The following KIAA0513 variants were observed in gnomAD, a reference collection of about 807,000 sequenced individuals.
KIAA0513 encodes the protein uncharacterized protein KIAA0513.
In KIAA0513, 39 loss-of-function variants were observed where a neutral mutation model predicts 56.5. That is an observed-to-expected ratio of 0.69 (90% CI 0.53 to 0.90). The LOEUF (loss-of-function observed/expected upper bound fraction) is 0.90. Ranked by LOEUF, KIAA0513 falls within the 40% of genes least tolerant of loss-of-function variation. KIAA0513 has a pLI of 0.00. For synonymous variants in KIAA0513, 268 were observed against 215.6 expected, an observed-to-expected ratio of 1.24 and a Z score of -2.13; for missense variants, 591 against 535.2, an observed-to-expected ratio of 1.10 and a Z score of -1.03.
rs760142095 is a variant in KIAA0513 at position 85,078,382 on chromosome 16, G to A, written c.783-33G>A. ...GAGTTGAGAAAGTGTGGTGTGAGTC[G>A]CGTGTGTCATCATTGTGCCTTCTCT... On this transcript the variant is annotated intron_variant, in intron 6 of 12. Coordinates refer to ENST00000683363, the MANE Select transcript of KIAA0513 (RefSeq NM_001388359.1). The A allele has an allele frequency of 2.9e-5, 46 of 1,613,116 alleles. No homozygotes were observed. The South Asian group carries it at 3.0e-4, about 10-fold the overall frequency.
rs190493294 is a variant in KIAA0513 at position 85,058,479 on chromosome 16, C to T, written c.-172-8421C>T. 3.9e-5 allele frequency among the ~76,000 whole-genome samples: 6 copies of T among 152,166 alleles called. No individual in the cohort carries two copies. In the East Asian group the frequency reaches 9.6e-4, roughly 24 times the overall value. On this transcript the variant is annotated intron_variant, in intron 1 of 12. Transcript: ENST00000683363. ...ACTAGCCTGATCAACGTGGTGAAACCCCATCTGTACTAAAAGTACAAAATT... is the reference window on the plus strand; with the variant it reads ...ACTAGCCTGATCAACGTGGTGAAACTCCATCTGTACTAAAAGTACAAAATT...
Position 85,067,028 on chromosome 16 carries a change from G to A in KIAA0513, c.-44G>A, listed in dbSNP as rs1294343505. On this transcript the variant is annotated 5_prime_UTR_variant, in exon 2 of 13. Coordinates refer to ENST00000683363, the MANE Select transcript of KIAA0513 (RefSeq NM_001388359.1). ...ACCAGGCTGCTGGGCTCCCCTCTAG[G>A]CAGCCTCCCCTCCAGGCAGCCTCAC... 1 of 1,495,860 alleles carries A rather than the reference G, an allele frequency of 6.7e-7. No individual in the cohort carries two copies. Among genetic ancestry groups the A allele is most frequent in the Non-Finnish European group, 8.9e-7 (1 of 1,122,350 alleles). The allele number at this position is 1,495,860 out of a possible 1,614,324, so 92.7% of individuals were successfully genotyped here.
At position 85,078,453 on chromosome 16, in the gene KIAA0513, C is replaced by T. The variant is rs369177572; in HGVS notation, c.821C>T (p.Ala274Val). ...ENKPQEKRPR[A>V]VTAYSPEDEK... is the part of the protein sequence containing the mutation. ...AAACCCCAGGAGAAGCGGCCCAGGG[C>T]TGGTGAGTCTGCCCAGGCAGCAGCA... Residue 274 changes from alanine to valine, a missense_variant and splice_region_variant, in exon 7 of 13, where the codon GCT becomes GTT. Transcript: ENST00000683363. The T allele has an allele frequency of 3.1e-6, 5 of 1,613,606 alleles. No individual in the cohort carries two copies. Among genetic ancestry groups the T allele is most frequent in the South Asian group, 1.1e-5 (1 of 91,072 alleles).
At chr16:85,067,798 CTTTTCTTTTTTTCTTTTT>C (rs1240893664) in intron 2 of KIAA0513, among the ~76,000 whole-genome samples, 1 of 152,038 alleles carries the variant, frequency 6.6e-6, no homozygotes, top group African/African-American at 2.4e-5. Context: ...TGTTTATTTT[CTTTTCTTTTTTTCTTTTT>C]TTTTCTTTTT....
chr16:85,030,202 G>C (rs777311218), intron 1 of KIAA0513, among the ~76,000 whole-genome samples: 1 of 152,166 alleles, frequency 6.6e-6, no homozygotes, highest in Non-Finnish European at 1.5e-5. Flanking sequence ...AATCCAGTAG[G>C]AAGTATGATT....
In KIAA0513 at chr16:85,087,175, G is replaced by T. The variant is rs752391216; in HGVS notation, c.1186+9G>T. The T allele has an allele frequency of 1.9e-6, 3 of 1,611,076 alleles. No homozygotes were observed. The highest frequency in any genetic ancestry group is 2.5e-6 in the Non-Finnish European group (3 of 1,177,240). ...TGGCAACCTGGATGAAGGTGCGTCT[G>T]GGGGAGGCTGCTGGCAGGAGGCGGG... On this transcript the variant is annotated intron_variant, in intron 12 of 12. Coordinates refer to ENST00000683363, the MANE Select transcript of KIAA0513 (RefSeq NM_001388359.1).
intron 2 of KIAA0513, among the ~76,000 whole-genome samples, chr16:85,067,843 G>A (rs1409323196): frequency 6.6e-6 from 1 of 151,650 alleles, no homozygotes; most frequent in Non-Finnish European, 1.5e-5. Flanking sequence ...CAGAGTCTGG[G>A]TCTGTCACCC....
chr16:85,059,431 G>A (rs2073373246), intron 1 of KIAA0513, among the ~76,000 whole-genome samples: 1 of 152,212 alleles, frequency 6.6e-6, no homozygotes, highest in Non-Finnish European at 1.5e-5. Context: ...GGTTCCCCCT[G>A]AGCCAGGCTG....
chr16:85,059,350 T>A (rs889535278), intron 1 of KIAA0513, among the ~76,000 whole-genome samples: 49 of 152,352 alleles, frequency 3.2e-4, no homozygotes, highest in African/African-American at 1.1e-3. Context: ...TGGTGCCAGT[T>A]TGGGAACCAC....
intron 1 of KIAA0513, among the ~76,000 whole-genome samples, chr16:85,056,824 C>G (rs148316785): frequency 6.6e-6 from 1 of 152,196 alleles, no homozygotes; most frequent in Non-Finnish European, 1.5e-5. Flanking sequence ...CTCAGCCTCC[C>G]AGACAGCTGG....
chr16:85,048,259 C>T (rs980180818), intron 1 of KIAA0513, among the ~76,000 whole-genome samples: 1 of 152,170 alleles, frequency 6.6e-6, no homozygotes, highest in Non-Finnish European at 1.5e-5. Context: ...GCACCCACCC[C>T]GCCTTCCAGG....
chr16:85,042,268 A>G (rs2073113268), intron 1 of KIAA0513, among the ~76,000 whole-genome samples: 1 of 152,188 alleles, frequency 6.6e-6, no homozygotes, highest in Admixed American at 6.5e-5. Flanking sequence ...AATGCTTTGG[A>G]TGGGATATCA....
intron 1 of KIAA0513, among the ~76,000 whole-genome samples, chr16:85,057,859 T>C (rs1454771561): frequency 1.3e-5 from 2 of 152,002 alleles, no homozygotes; most frequent in African/African-American, 4.8e-5. Context: ...TAGGTCATTC[T>C]GTGTGGGACC....
At chr16:85,034,307 G>T (rs186036895) in intron 1 of KIAA0513, among the ~76,000 whole-genome samples, 5 of 152,120 alleles carry the variant, frequency 3.3e-5, no homozygotes, top group South Asian at 4.1e-4. Context: ...TTGAACCTGG[G>T]GGGTGGAGGC....
At chr16:85,063,833 G>A (rs935369895) in intron 1 of KIAA0513, among the ~76,000 whole-genome samples, 1 of 151,650 alleles carries the variant, frequency 6.6e-6, no homozygotes, top group Non-Finnish European at 1.5e-5. Flanking sequence ...TTCAGTATTC[G>A]CAGGCCTCTG....
rs757931586 is a variant in KIAA0513, at chr16:85,082,549, C to G, written c.981-15C>G. 1.2e-6 allele frequency: 2 copies of G among 1,613,954 alleles called. No individual in the cohort carries two copies. The highest frequency in any genetic ancestry group is 1.1e-5 in the South Asian group (1 of 91,074). On this transcript the variant is annotated splice_polypyrimidine_tract_variant and intron_variant, in intron 9 of 12. Coordinates refer to ENST00000683363, the MANE Select transcript of KIAA0513 (RefSeq NM_001388359.1). ...GACATGTTCCTTTGTTTACCTGTTTCTGCTGCCGCTCCAGAGGGGATGCTG... is the reference window on the plus strand; with the variant it reads ...GACATGTTCCTTTGTTTACCTGTTTGTGCTGCCGCTCCAGAGGGGATGCTG...
At chr16:85,034,495 G>A (rs1055769072) in intron 1 of KIAA0513, among the ~76,000 whole-genome samples, 1 of 152,212 alleles carries the variant, frequency 6.6e-6, no homozygotes, top group South Asian at 2.1e-4. Context: ...TGGGGCAAGA[G>A]TGTGGGGAAA....
chr16:85,038,228 C>T lies in KIAA0513; in HGVS notation c.-173+10370C>T, dbSNP rs184307721. 2.9e-4 allele frequency among the ~76,000 whole-genome samples: 44 copies of T among 152,318 alleles called. No individual in the cohort carries two copies. The East Asian group carries it at 7.1e-3, about 25-fold the overall frequency. On this transcript the variant is annotated intron_variant, in intron 1 of 12. Coordinates refer to ENST00000683363, the MANE Select transcript of KIAA0513 (RefSeq NM_001388359.1). ...GAAGAGCATTGACTTTGCCTCTTCC[C>T]TGGGCTGGGCCCCACGGCCTCTGGA...
chr16:85,071,683 A>C, intron 2 of KIAA0513, 100 bp from the exon 3 acceptor site: 2 of 964,358 alleles, frequency 2.1e-6, no homozygotes, highest in Non-Finnish European at 3.1e-6. Context: ...TTGGCTGGGG[A>C]ATATTTCGTT....
Sources: allele counts gnomAD v4.1 joint callset (sites outside exome capture counted in the v4.1 genomes callset), GRCh38; gene constraint gnomAD v4.1.1; transcripts MANE v1.5; gene names NCBI Gene and HGNC (gene_info 2026-07-23, HGNC 2026-07-21).